The following ZMYND8 variants were observed in gnomAD, a reference collection of about 807,000 sequenced individuals.
ZMYND8 encodes MYND-type zinc finger-containing chromatin reader ZMYND8.
ZMYND8 carries 37 observed loss-of-function variants against 140.8 expected under a neutral mutation model. The ratio of observed to expected loss-of-function variants is 0.26; its 90% CI spans 0.20 to 0.35. The LOEUF (loss-of-function observed/expected upper bound fraction) is 0.35, where lower values mean the gene tolerates loss of function less well. ZMYND8 is among the 10% of genes least tolerant of loss of function. The probability of loss-of-function intolerance (pLI) is 1.00; values close to 1 mark genes in which losing one functional copy is unlikely to be tolerated. For missense variants in ZMYND8, 1,068 were observed against 1,570.0 expected (o/e 0.68, Z 5.40); for synonymous variants, 592 against 597.1 (o/e 0.99, Z 0.12).
intron 12 of ZMYND8, among the ~76,000 whole-genome samples, chr20:47,256,117 C>CTACA (rs1413795769): frequency 2.0e-5 from 3 of 151,390 alleles, no homozygotes; most frequent in Admixed American, 6.6e-5. Flanking sequence ...TGAACGCAAA[C>CTACA]TACAATGGAT....
chr20:47,345,962 T>A lies in ZMYND8; in HGVS notation c.85+1894A>T, dbSNP rs571654294. Among the ~76,000 whole-genome samples, 3 of 152,230 alleles carry A rather than the reference T, an allele frequency of 2.0e-5. No homozygotes were observed. The East Asian group carries it at 5.8e-4, about 29-fold the overall frequency. On this transcript the variant is annotated intron_variant, in intron 2 of 22. Transcript: ENST00000471951. ...CATGCGCCACTGTGCCTGACCCCAATCCACGTTTTTGAAGCGCATTCTGGC... is the reference window on the plus strand; with the variant it reads ...CATGCGCCACTGTGCCTGACCCCAAACCACGTTTTTGAAGCGCATTCTGGC...
chr20:47,237,504 T>C (rs535854409), intron 15 of ZMYND8: 1 of 152,220 alleles, frequency 6.6e-6, no homozygotes, highest in South Asian at 2.1e-4. Flanking sequence ...CTCCTGCTTA[T>C]GAGATATGAA....
intron 5 of ZMYND8, 104 bp downstream of exon 5, chr20:47,294,562 G>A (rs1288139797): frequency 2.0e-6 from 2 of 1,012,056 alleles, no homozygotes; most frequent in Admixed American, 2.0e-5. Flanking sequence ...ATGCAAGGAG[G>A]CCCAAAGAAT....
At chr20:47,287,404 G>T in intron 7 of ZMYND8, 120 bp from the exon 8 acceptor site, 2 of 827,038 alleles carry the variant, frequency 2.4e-6, no homozygotes, top group Admixed American at 2.1e-5. Context: ...GCTTTTAAAG[G>T]CTAAAACCAG....
At chr20:47,338,105 G>A (rs764027253) in intron 2 of ZMYND8, among the ~76,000 whole-genome samples, 141 of 152,050 alleles carry the variant, frequency 9.3e-4, no homozygotes, top group Non-Finnish European at 1.7e-3. Context: ...ATGGTAGAGT[G>A]GTCACCTTAT....
At chr20:47,313,601 A>G (rs1007458191) in intron 2 of ZMYND8, among the ~76,000 whole-genome samples, 15 of 151,732 alleles carry the variant, frequency 9.9e-5, no homozygotes, top group African/African-American at 2.2e-4. Flanking sequence ...CAACCTGGGC[A>G]ACAGAGGGGT....
chr20:47,297,267 CTTTT>C (rs1181262424), intron 4 of ZMYND8, among the ~76,000 whole-genome samples: 1 of 152,160 alleles, frequency 6.6e-6, no homozygotes, highest in Non-Finnish European at 1.5e-5. Context: ...TGTCTACTTT[CTTTT>C]TATGTATTTC....
chr20:47,286,177 A>ATTTTTTTTTTTTTTTTTT (rs35537741), intron 8 of ZMYND8, among the ~76,000 whole-genome samples: 1 of 146,444 alleles, frequency 6.8e-6, no homozygotes. Flanking sequence ...ATAAGGATAG[A>ATTTTTTTTTTTTTTTTTT]TTTTTTTTTT....
chr20:47,227,822 G>A (rs1266264002), intron 17 of ZMYND8, among the ~76,000 whole-genome samples: 1 of 152,220 alleles, frequency 6.6e-6, no homozygotes, highest in Non-Finnish European at 1.5e-5. Context: ...GCCAGGTGCG[G>A]TGGCTCGCGC....
chr20:47,310,011 C>A, intron 3 of ZMYND8, 45 bp downstream of exon 3: 1 of 1,612,956 alleles, frequency 6.2e-7, no homozygotes, highest in Non-Finnish European at 8.5e-7. Flanking sequence ...TACTAGCTGG[C>A]CTCTGTCCCA....
At chr20:47,296,228 G>A (rs1181382619) in intron 4 of ZMYND8, among the ~76,000 whole-genome samples, 1 of 152,174 alleles carries the variant, frequency 6.6e-6, no homozygotes, top group Non-Finnish European at 1.5e-5. Context: ...CACTTGGGCT[G>A]CCTGCCCAAC....
chr20:47,222,008 A>G (rs2037030629), intron 19 of ZMYND8, among the ~76,000 whole-genome samples: 1 of 152,196 alleles, frequency 6.6e-6, no homozygotes, highest in Non-Finnish European at 1.5e-5. Context: ...AGTTTTATTA[A>G]ATCATTCTGG....
At chr20:47,252,587 C>T (rs141855619) in intron 12 of ZMYND8, among the ~76,000 whole-genome samples, 11 of 152,216 alleles carry the variant, frequency 7.2e-5, no homozygotes, top group South Asian at 2.1e-4. Flanking sequence ...ACACAGTTAA[C>T]GAAAAAATTT....
intron 9 of ZMYND8, among the ~76,000 whole-genome samples, chr20:47,282,812 C>A (rs114366263): frequency 3.3e-5 from 5 of 151,978 alleles, no homozygotes; most frequent in Admixed American, 3.3e-4. Flanking sequence ...ACGAGCAAGA[C>A]ATTTCACCTT....
chr20:47,223,056 G>A (rs2037212857), intron 19 of ZMYND8, among the ~76,000 whole-genome samples: 1 of 152,198 alleles, frequency 6.6e-6, no homozygotes. Context: ...TCACACTTGA[G>A]TCATTTACAT....
intron 11 of ZMYND8, among the ~76,000 whole-genome samples, chr20:47,268,837 A>G (rs910835742): frequency 6.6e-6 from 1 of 151,978 alleles, no homozygotes; most frequent in Non-Finnish European, 1.5e-5. Context: ...AATATCAAAC[A>G]ATCTCCCCAA....
At chr20:47,214,938 C>G (rs1367657833) in intron 21 of ZMYND8, among the ~76,000 whole-genome samples, 1 of 152,218 alleles carries the variant, frequency 6.6e-6, no homozygotes, top group African/African-American at 2.4e-5. Flanking sequence ...GTCTCTGCTG[C>G]TGACCACGGT....
intron 2 of ZMYND8, among the ~76,000 whole-genome samples, chr20:47,343,178 G>A (rs2082051121): frequency 6.6e-6 from 1 of 152,082 alleles, no homozygotes; most frequent in Non-Finnish European, 1.5e-5. Flanking sequence ...CCAGCTACTT[G>A]GGAGGCTGAG....
At chr20:47,270,970 G>C (rs1041169746) in intron 11 of ZMYND8, among the ~76,000 whole-genome samples, 1 of 152,022 alleles carries the variant, frequency 6.6e-6, no homozygotes, top group African/African-American at 2.4e-5. Flanking sequence ...CCAGCTACTC[G>C]GGAGGCTGAG....
Sources: allele counts gnomAD v4.1 joint callset (sites outside exome capture counted in the v4.1 genomes callset), GRCh38; gene constraint gnomAD v4.1.1; transcripts MANE v1.5; gene names NCBI Gene and HGNC (gene_info 2026-07-23, HGNC 2026-07-21).